Variants in CEP85 observed in about 807,000 individuals in gnomAD.
The protein encoded by CEP85 is centrosomal protein of 85 kDa.
CEP85 carries 58 observed loss-of-function variants against 93.7 expected under a neutral mutation model. That is an observed-to-expected ratio of 0.62 (90% CI 0.50 to 0.77). The LOEUF (loss-of-function observed/expected upper bound fraction) is 0.77. CEP85 is among the 30% of genes least tolerant of loss of function. The probability of loss-of-function intolerance (pLI) is 0.00; values close to 1 mark genes in which losing one functional copy is unlikely to be tolerated. For missense variants in CEP85, 868 were observed against 922.0 expected, an observed-to-expected ratio of 0.94 and a Z score of 0.76; for synonymous variants, 314 against 338.6, an observed-to-expected ratio of 0.93 and a Z score of 0.80.
intron 3 of CEP85, among the ~76,000 whole-genome samples, chr1:26,254,293 G>C (rs947995065): frequency 4.6e-5 from 7 of 152,110 alleles, no homozygotes; most frequent in African/African-American, 1.7e-4. Context: ...GCTTGCAGTA[G>C]TCCCCCTCAG....
In CEP85 at chr1:26,255,472, T is replaced by C. The variant is rs758328143; in HGVS notation, c.510T>C (p.His170=). Residue 170 remains histidine (H), a synonymous_variant, in exon 4 of 14, where the codon CAT becomes CAC. Transcript: ENST00000451429. ...AGTCCTGGTTTCCAGCAGTGGGCCA[T>C]GAAAGACAAGAAGAGGCGAGGAAGT... ...IEQSWFPAVG[H]ERQEEARKFD... is the part of the protein sequence containing the mutation. The C allele has an allele frequency of 4.3e-6, 7 of 1,614,028 alleles. No homozygotes were observed. The highest frequency in any genetic ancestry group is 2.2e-5 in the East Asian group (1 of 44,878).
At chr1:26,256,329 G>A (rs933806813) in intron 4 of CEP85, among the ~76,000 whole-genome samples, 82 of 152,104 alleles carry the variant, frequency 5.4e-4, no homozygotes, top group African/African-American at 1.7e-3. Flanking sequence ...GCAGGAGTTC[G>A]AGACCAGCCT....
intron 7 of CEP85, among the ~76,000 whole-genome samples, chr1:26,262,411 G>C (rs1190101909): frequency 6.6e-6 from 1 of 151,942 alleles, no homozygotes; most frequent in Non-Finnish European, 1.5e-5. Flanking sequence ...CCAGGAGGTA[G>C]ATGTTGCAGT....
intron 4 of CEP85, among the ~76,000 whole-genome samples, chr1:26,256,787 CAG>C (rs1319982709): frequency 3.3e-5 from 5 of 151,302 alleles, no homozygotes; most frequent in South Asian, 2.1e-4. Context: ...TTAGTAGAAA[CAG>C]GGTTTCACCA....
rs771155886 is a variant in CEP85 at position 26,274,961 on chromosome 1, C to T, written c.1795-3C>T. 25 of 1,561,704 alleles carry T rather than the reference C, an allele frequency of 1.6e-5. No individual in the cohort carries two copies. Among genetic ancestry groups the T allele is most frequent in the Non-Finnish European group, 2.1e-5 (24 of 1,152,732 alleles). ...TCCCTCAACATCTTGCTGTGTGATT[C>T]AGAGCCTAGAGCAGGAAGTGGCTCA... is the stretch of plus-strand genomic sequence containing the variant. On this transcript the variant is annotated splice_polypyrimidine_tract_variant and splice_region_variant and intron_variant, in intron 11 of 13. Transcript: ENST00000451429.
intron 7 of CEP85, chr1:26,263,182 A>G (rs760805102): frequency 6.0e-5 from 16 of 265,088 alleles, no homozygotes; most frequent in Non-Finnish European, 1.1e-4. Context: ...CATGCTTTCA[A>G]CAGTTGTGGT....
chr1:26,255,144 A>G, intron 3 of CEP85, 27 bp from the exon 4 acceptor site: 1 of 1,583,648 alleles, frequency 6.3e-7, no homozygotes, highest in Non-Finnish European at 8.6e-7. Context: ...TTCAATTTTT[A>G]CTTATGGAAG....
At chr1:26,261,198 C>A (rs972416029) in intron 7 of CEP85, among the ~76,000 whole-genome samples, 1 of 151,796 alleles carries the variant, frequency 6.6e-6, no homozygotes, top group Non-Finnish European at 1.5e-5. Flanking sequence ...TTAGGCTGGG[C>A]GCCGTGGCTC....
At chr1:26,248,722 CTTTTT>C (rs573449499) in intron 3 of CEP85, among the ~76,000 whole-genome samples, 1 of 56,212 alleles carries the variant, frequency 1.8e-5, no homozygotes, top group South Asian at 8.2e-4. Context: ...GTCTTGAACT[CTTTTT>C]TTTTTTTTTT....
At chr1:26,248,082 C>T (rs901263759) in intron 3 of CEP85, among the ~76,000 whole-genome samples, 3 of 152,100 alleles carry the variant, frequency 2.0e-5, no homozygotes, top group African/African-American at 4.8e-5. Flanking sequence ...TGCCTCTGCT[C>T]GTTTTGATTG....
Sources: gnomAD v4.1 joint callset for allele counts (sites outside exome capture counted in the v4.1 genomes callset) on GRCh38, gnomAD v4.1.1 for gene constraint, MANE v1.5 for transcripts, NCBI Gene and HGNC (gene_info 2026-07-23, HGNC 2026-07-21) for gene names.